The following ALCAM variants were observed in gnomAD, a reference collection of about 807,000 sequenced individuals.
ALCAM encodes the protein CD166 antigen.
A neutral mutation model predicts 70.9 loss-of-function variants in ALCAM; 30 were observed. That is an observed-to-expected ratio of 0.42 (90% CI 0.32 to 0.57). ALCAM has a LOEUF of 0.57. Ranked by LOEUF, ALCAM falls within the 20% of genes least tolerant of loss-of-function variation. The pLI is 0.11. For synonymous variants in ALCAM, 249 were observed against 242.5 expected (o/e 1.03, Z -0.25); for missense variants, 591 against 695.1 (o/e 0.85, Z 1.68).
chr3:105,422,139 G>T (rs1936666295), intron 1 of ALCAM, among the ~76,000 whole-genome samples: 1 of 151,314 alleles, frequency 6.6e-6, no homozygotes, highest in African/African-American at 2.4e-5. Flanking sequence ...ATGGCCTCTG[G>T]CTTCTTCCAA....
intron 9 of ALCAM, 35 bp from the exon 10 acceptor site, chr3:105,547,114 T>C: frequency 2.7e-6 from 4 of 1,492,108 alleles, no homozygotes; most frequent in Non-Finnish European, 1.8e-6. Flanking sequence ...ATTTTAATTC[T>C]GCCACATGAG....
chr3:105,410,179 A>G (rs1010596029), intron 1 of ALCAM, among the ~76,000 whole-genome samples: 21 of 151,962 alleles, frequency 1.4e-4, no homozygotes, highest in African/African-American at 4.6e-4. Flanking sequence ...TCATCTTTTG[A>G]TGCTGTAACA....
chr3:105,552,314 A>C, intron 13 of ALCAM, 132 bp downstream of exon 13: 1 of 1,288,284 alleles, frequency 7.8e-7, no homozygotes, highest in Non-Finnish European at 1.1e-6. Context: ...AGATAGTAAG[A>C]ATGCTAAAAT....
chr3:105,462,446 A>C lies in ALCAM; in HGVS notation c.74-57621A>C, dbSNP rs569733310. ...AAGAAATAATATACATGTATAAATA[A>C]TTTTTTAAAAATTGGATTTCTAGTT... On this transcript the variant is annotated intron_variant, in intron 1 of 15. Transcript: ENST00000306107. Among the ~76,000 whole-genome samples, 16 of 151,572 alleles carry C rather than the reference A, an allele frequency of 1.1e-4. No homozygotes were observed. The East Asian group carries it at 2.9e-3, about 28-fold the overall frequency.
chr3:105,413,768 A>C (rs1219740460), intron 1 of ALCAM, among the ~76,000 whole-genome samples: 2 of 152,146 alleles, frequency 1.3e-5, no homozygotes, highest in Non-Finnish European at 1.5e-5. Flanking sequence ...GCCTCCTTTT[A>C]ATTACACTTT....
intron 1 of ALCAM, among the ~76,000 whole-genome samples, chr3:105,468,610 T>C (rs1200358683): frequency 6.6e-6 from 1 of 151,266 alleles, no homozygotes; most frequent in Non-Finnish European, 1.5e-5. Context: ...GTAAGGTTGC[T>C]GGTATAATGT....
chr3:105,374,855 G>A (rs1935338601), intron 1 of ALCAM, among the ~76,000 whole-genome samples: 1 of 152,156 alleles, frequency 6.6e-6, no homozygotes, highest in South Asian at 2.1e-4. Context: ...ACAGTCAGAG[G>A]ATGCACTAGC....
At chr3:105,467,602 G>A (rs1937783540) in intron 1 of ALCAM, among the ~76,000 whole-genome samples, 2 of 151,040 alleles carry the variant, frequency 1.3e-5, no homozygotes, top group South Asian at 2.1e-4. Flanking sequence ...CTTTTGGGAC[G>A]AGTACTTAAT....
intron 1 of ALCAM, among the ~76,000 whole-genome samples, chr3:105,398,904 TTTCCTTTTC>T: frequency 6.6e-6 from 1 of 152,046 alleles, no homozygotes; most frequent in South Asian, 2.1e-4. Flanking sequence ...AGCTTTTTTT[TTTCCTTTTC>T]TTCCTTTTCT....
chr3:105,561,446 G>A (rs13079488), intron 14 of ALCAM, among the ~76,000 whole-genome samples: 11,010 of 152,046 alleles, frequency 0.072, 483 homozygotes, highest in African/African-American at 0.11. Flanking sequence ...ACACCTTTGC[G>A]TGTTTCCAGT....
intron 1 of ALCAM, among the ~76,000 whole-genome samples, chr3:105,396,107 C>G (rs750870630): frequency 2.6e-5 from 4 of 151,978 alleles, no homozygotes; most frequent in African/African-American, 9.7e-5. Flanking sequence ...TAACTGCCTA[C>G]TATAGCATTT....
chr3:105,513,194 C>A (rs1348902754), intron 1 of ALCAM: 2 of 151,214 alleles, frequency 1.3e-5, no homozygotes, highest in African/African-American at 4.9e-5. Context: ...TTGGCATAGA[C>A]CCCATAGCCT....
chr3:105,513,947 G>C (rs1939310766), intron 1 of ALCAM, among the ~76,000 whole-genome samples: 1 of 151,904 alleles, frequency 6.6e-6, no homozygotes, highest in Non-Finnish European at 1.5e-5. Flanking sequence ...TGCCCAAAGA[G>C]AGAAAACCAA....
chr3:105,427,985 G>A (rs913732602), intron 1 of ALCAM, among the ~76,000 whole-genome samples: 2 of 151,596 alleles, frequency 1.3e-5, no homozygotes, highest in South Asian at 4.2e-4. Context: ...TATATATTTG[G>A]CTCCTACTCA....
At chr3:105,546,309 T>C (rs952170032) in intron 9 of ALCAM, among the ~76,000 whole-genome samples, 1 of 151,404 alleles carries the variant, frequency 6.6e-6, no homozygotes, top group Non-Finnish European at 1.5e-5. Context: ...TTCTTTTTGA[T>C]GGAAATATAT....
chr3:105,515,088 A>C (rs1170581807), intron 1 of ALCAM, among the ~76,000 whole-genome samples: 2 of 151,828 alleles, frequency 1.3e-5, no homozygotes, highest in East Asian at 3.9e-4. Context: ...CACACAGAGA[A>C]CTTACTTTAT....
intron 5 of ALCAM, 54 bp from the exon 6 acceptor site, chr3:105,534,609 G>C (rs1939922970): frequency 6.5e-7 from 1 of 1,539,756 alleles, no homozygotes; most frequent in Non-Finnish European, 9.0e-7. Flanking sequence ...TTTCGTTAAG[G>C]ATTGTGATTG....
At chr3:105,542,157 T>G (rs868583364) in intron 8 of ALCAM, among the ~76,000 whole-genome samples, 1 of 151,846 alleles carries the variant, frequency 6.6e-6, no homozygotes, top group Non-Finnish European at 1.5e-5. Context: ...CAGAATAAAT[T>G]TAACACCCAA....
At chr3:105,378,708 G>A (rs1048561242) in intron 1 of ALCAM, among the ~76,000 whole-genome samples, 28 of 150,224 alleles carry the variant, frequency 1.9e-4, no homozygotes, top group African/African-American at 5.1e-4. Context: ...TGGCAAATAC[G>A]TATCTGTTTA....
Sources: allele counts gnomAD v4.1 joint callset (sites outside exome capture counted in the v4.1 genomes callset), GRCh38; gene constraint gnomAD v4.1.1; transcripts MANE v1.5; gene names NCBI Gene and HGNC (gene_info 2026-07-23, HGNC 2026-07-21).